The following AR variants were observed in gnomAD, a reference collection of about 807,000 sequenced individuals.
AR encodes the protein androgen receptor.
Under a neutral mutation model 53.9 loss-of-function variants are expected in AR, and 8 were observed. The observed-to-expected ratio is 0.15, with a 90% CI of 0.09 to 0.27. The LOEUF (loss-of-function observed/expected upper bound fraction) is 0.27. AR is among the 10% of genes least tolerant of loss of function. The pLI, the probability that AR is intolerant of heterozygous loss-of-function variation, is 1.00. For missense variants in AR, 639 were observed against 742.5 expected (o/e 0.86, Z 1.62); for synonymous variants, 359 against 316.4 (o/e 1.13, Z -1.43).
intron 1 of AR, among the ~76,000 whole-genome samples, chrX:67,617,181 A>G (rs924775244): frequency 9.0e-6 from 1 of 111,681 alleles, no homozygotes; most frequent in African/African-American, 3.3e-5. Flanking sequence ...TTAATGAAAT[A>G]TATCTACATG....
chrX:67,583,472 C>G (rs746265889), intron 1 of AR, among the ~76,000 whole-genome samples: 71 of 111,391 alleles, frequency 6.4e-4, no homozygotes, highest in Admixed American at 1.4e-3. Flanking sequence ...GGCTGCAAGA[C>G]TTGTGAGTGC....
chrX:67,702,655 A>G (rs181152056), intron 3 of AR, among the ~76,000 whole-genome samples: 1 of 112,130 alleles, frequency 8.9e-6, no homozygotes, highest in East Asian at 2.8e-4. Context: ...TCCTCTTGCA[A>G]CACCAACCCC....
intron 3 of AR, among the ~76,000 whole-genome samples, chrX:67,706,821 G>A (rs1343493722): frequency 8.9e-6 from 1 of 112,069 alleles, no homozygotes; most frequent in African/African-American, 3.2e-5. Flanking sequence ...TACTTTAAAT[G>A]TGTCCCAGAG....
At chrX:67,660,423 T>A (rs1167396396) in intron 2 of AR, among the ~76,000 whole-genome samples, 2 of 111,966 alleles carry the variant, frequency 1.8e-5, no homozygotes, top group Admixed American at 9.5e-5. Context: ...GTTTCAGCTG[T>A]CTACATATGG....
intron 3 of AR, among the ~76,000 whole-genome samples, chrX:67,692,787 C>T (rs2076001672): frequency 8.9e-6 from 1 of 112,184 alleles, no homozygotes; most frequent in Admixed American, 9.4e-5. Context: ...CCAGTCACCA[C>T]TGGGGTCTGT....
intron 1 of AR, among the ~76,000 whole-genome samples, chrX:67,636,743 C>T (rs1017681592): frequency 9.0e-6 from 1 of 111,413 alleles, no homozygotes; most frequent in Non-Finnish European, 1.9e-5. Context: ...GCCCTTTGTC[C>T]ACACTAGGTC....
chrX:67,670,756 C>A lies in AR; in HGVS notation c.1769-15254C>A, dbSNP rs2075859970. ...ATGCTATCTTTCCCCTAGCCCTACC[C>A]CACTCCCTGACAGGCCCTGGTGTAT... On this transcript the variant is annotated intron_variant, in intron 2 of 7. Transcript: ENST00000374690. 1.8e-5 allele frequency among the ~76,000 whole-genome samples: 2 copies of A among 110,444 alleles called. 1 individual carries two copies. The highest frequency in any genetic ancestry group is 6.6e-5 in the African/African-American group (2 of 30,343).
intron 1 of AR, among the ~76,000 whole-genome samples, chrX:67,601,467 C>G (rs1923353280): frequency 9.0e-6 from 1 of 111,549 alleles, no homozygotes; most frequent in Admixed American, 9.6e-5. Flanking sequence ...ATGCCGTGTT[C>G]ATAGTCCAAC....
intron 1 of AR, among the ~76,000 whole-genome samples, chrX:67,585,737 T>A (rs893908064): frequency 1.8e-5 from 2 of 111,970 alleles, no homozygotes; most frequent in African/African-American, 6.5e-5. Context: ...GGGAAGAGTT[T>A]GTGGATGGAT....
intron 1 of AR, among the ~76,000 whole-genome samples, chrX:67,599,503 C>A (rs909029765): frequency 2.7e-5 from 3 of 111,608 alleles, no homozygotes; most frequent in African/African-American, 9.8e-5. Context: ...CTTCCAGTTA[C>A]CAGAATGTAA....
intron 1 of AR, among the ~76,000 whole-genome samples, chrX:67,586,847 T>C (rs1922570020): frequency 8.9e-6 from 1 of 111,765 alleles, no homozygotes. Context: ...TTGCTTCTAT[T>C]TAAGACTAGG....
At chrX:67,661,701 C>G (rs1305168918) in intron 2 of AR, among the ~76,000 whole-genome samples, 1 of 111,307 alleles carries the variant, frequency 9.0e-6, no homozygotes, top group Non-Finnish European at 1.9e-5. Context: ...TGATGTTGGC[C>G]TCCTAAAATG....
At chrX:67,695,418 C>T (rs1173227737) in intron 3 of AR, 12 of 751,550 alleles carry the variant, frequency 1.6e-5, no homozygotes, top group South Asian at 6.9e-5. Context: ...GACTACAGTC[C>T]GACTTTCCCT....
At chrX:67,664,802 A>G (rs1434134670) in intron 2 of AR, among the ~76,000 whole-genome samples, 4 of 112,217 alleles carry the variant, frequency 3.6e-5, no homozygotes, top group South Asian at 3.8e-4. Flanking sequence ...TACCTACTCA[A>G]GCTTCAGCAA....
intron 3 of AR, among the ~76,000 whole-genome samples, chrX:67,697,954 GAC>G (rs759407029): frequency 1.8e-5 from 2 of 111,626 alleles, no homozygotes; most frequent in South Asian, 7.6e-4. Flanking sequence ...TCTACTCTCA[GAC>G]AACACCACAG....
chrX:67,644,000 T>G (rs188159722), intron 2 of AR, among the ~76,000 whole-genome samples: 2 of 112,158 alleles, frequency 1.8e-5, no homozygotes, highest in Admixed American at 9.4e-5. Flanking sequence ...TATTCTCCTC[T>G]CCAGAGACCT....
At chrX:67,548,335 G>A (rs1301976149) in intron 1 of AR, among the ~76,000 whole-genome samples, 3 of 111,688 alleles carry the variant, frequency 2.7e-5, no homozygotes, top group Non-Finnish European at 5.6e-5. Flanking sequence ...TTTTCAGAGG[G>A]TTCATTTGAT....
intron 3 of AR, among the ~76,000 whole-genome samples, chrX:67,687,281 T>C (rs1381736235): frequency 8.9e-6 from 1 of 112,030 alleles, no homozygotes; most frequent in African/African-American, 3.2e-5. Context: ...AGCAGGGCCA[T>C]GTGTGGATCT....
At chrX:67,695,819 TCTCA>T in intron 3 of AR, 1 of 740,846 alleles carries the variant, frequency 1.3e-6, no homozygotes, top group Non-Finnish European at 1.6e-6. Flanking sequence ...TCTCTCTCTC[TCTCA>T]CACACACACA....
Sources: gnomAD v4.1 joint callset for allele counts (sites outside exome capture counted in the v4.1 genomes callset) on GRCh38, gnomAD v4.1.1 for gene constraint, MANE v1.5 for transcripts, NCBI Gene and HGNC (gene_info 2026-07-23, HGNC 2026-07-21) for gene names.